Variants in VEGFC observed in about 807,000 individuals in gnomAD.
The protein encoded by VEGFC is vascular endothelial growth factor C.
Under a neutral mutation model 46.1 loss-of-function variants are expected in VEGFC, and 12 were observed. The observed-to-expected ratio is 0.26, with a 90% CI of 0.17 to 0.42. VEGFC has a LOEUF of 0.42. Among genes scored for constraint, VEGFC ranks in the 10% least tolerant of loss-of-function variants. The pLI is 1.00. For synonymous variants in VEGFC, 232 were observed against 195.5 expected, an observed-to-expected ratio of 1.19 and a Z score of -1.56; for missense variants, 488 against 529.4, an observed-to-expected ratio of 0.92 and a Z score of 0.77.
rs138549427 is a variant in VEGFC, at chr4:176,761,634, C to T, written c.147+30531G>A. 1.9e-3 allele frequency among the ~76,000 whole-genome samples: 295 copies of T among 152,262 alleles called. 2 individuals are homozygous for T. The highest frequency in any genetic ancestry group is 6.8e-3 in the African/African-American group (284 of 41,544). ...ATACTGCATTAAGGACAACAGTGAACGAATGTGTGTGGGCCCACGTGTATG... is the reference window on the plus strand; with the variant it reads ...ATACTGCATTAAGGACAACAGTGAATGAATGTGTGTGGGCCCACGTGTATG... On this transcript the variant is annotated intron_variant, in intron 1 of 6. Transcript: ENST00000618562.
chr4:176,762,784 C>T (rs1196809809), intron 1 of VEGFC, among the ~76,000 whole-genome samples: 1 of 152,164 alleles, frequency 6.6e-6, no homozygotes, highest in Admixed American at 6.5e-5. Context: ...GTATTCAACA[C>T]TAAGTCATAT....
chr4:176,699,810 A>T (rs1203365355), intron 4 of VEGFC, among the ~76,000 whole-genome samples: 1 of 152,218 alleles, frequency 6.6e-6, no homozygotes, highest in Non-Finnish European at 1.5e-5. Flanking sequence ...TCAGAAATAC[A>T]TATATTTTAG....
At position 176,729,619 on chromosome 4, in the gene VEGFC, T is replaced by A. The variant is rs949316694; in HGVS notation, c.275A>T (p.His92Leu). ...GTTGAGGTTGGCCTGTTCTCTGTTATGTTGCCAGCCTCCTTTCCTTAGCTG... is the reference window on the plus strand; with the variant it reads ...GTTGAGGTTGGCCTGTTCTCTGTTAAGTTGCCAGCCTCCTTTCCTTAGCTG... ...KCQLRKGGWQ[H>L]NREQANLNSR... Residue 92 changes from histidine (H) to leucine (L), a missense_variant, in exon 2 of 7, where the codon CAT becomes CTT. Transcript: ENST00000618562. The A allele has an allele frequency of 8.1e-6, 13 of 1,613,808 alleles. No individual in the cohort carries two copies. The highest frequency in any genetic ancestry group is 1.6e-4 in the Middle Eastern group (1 of 6,078).
intron 1 of VEGFC, among the ~76,000 whole-genome samples, chr4:176,767,123 T>TAAAAAAAAAAAAAAA (rs70964805): frequency 5.9e-5 from 3 of 50,474 alleles, no homozygotes; most frequent in East Asian, 7.8e-4. Flanking sequence ...TGTAGAAATC[T>TAAAAAAAAAAAAAAA]AAAAAAAAAA....
At chr4:176,690,387 G>A (rs1419284947) in intron 4 of VEGFC, among the ~76,000 whole-genome samples, 1 of 149,260 alleles carries the variant, frequency 6.7e-6, no homozygotes, top group Non-Finnish European at 1.5e-5. Flanking sequence ...CCAAAAAATT[G>A]CATATATGTT....
chr4:176,701,355 T>C (rs963008788), intron 4 of VEGFC, among the ~76,000 whole-genome samples: 1 of 152,212 alleles, frequency 6.6e-6, no homozygotes, highest in African/African-American at 2.4e-5. Flanking sequence ...CTTTAAACTT[T>C]AGGACAATCT....
intron 1 of VEGFC, among the ~76,000 whole-genome samples, chr4:176,777,737 T>C (rs377546730): frequency 5.9e-5 from 9 of 151,632 alleles, no homozygotes; most frequent in South Asian, 4.2e-4. Flanking sequence ...CTGGTTAACA[T>C]TGAAACCCTG....
rs182570806 is a variant in VEGFC, at chr4:176,729,816, C to T, written c.148-70G>A. 107 of 1,313,046 alleles carry T rather than the reference C, an allele frequency of 8.1e-5. No homozygotes were observed. In the African/African-American group the frequency reaches 8.8e-4, roughly 11 times the overall value. The allele number at this position is 1,313,046 out of a possible 1,614,324, so 81.3% of individuals were successfully genotyped here. A position where few individuals can be genotyped will look rare whatever the true frequency, so the allele number is the denominator to read the frequency against. On this transcript the variant is annotated intron_variant, in intron 1 of 6. Coordinates refer to ENST00000618562, the MANE Select transcript of VEGFC (RefSeq NM_005429.5). The stretch of plus-strand genomic sequence containing the variant: ...ATTTAGAAACAAATGCACTATAAAA[C>T]GGTTAGGTTTAATAGTATCTATGCT...
chr4:176,692,415 C>CA (rs754971358), intron 4 of VEGFC, among the ~76,000 whole-genome samples: 1,254 of 122,998 alleles, frequency 0.01, 138 homozygotes, highest in Non-Finnish European at 0.011. Flanking sequence ...AACAAACAAA[C>CA]AAAAAAAAAA....
chr4:176,758,721 T>G (rs1735476990), intron 1 of VEGFC, among the ~76,000 whole-genome samples: 1 of 152,138 alleles, frequency 6.6e-6, no homozygotes, highest in South Asian at 2.1e-4. Flanking sequence ...AGTCTGATAC[T>G]TTTCCATGAT....
At chr4:176,742,711 T>C (rs1333275884) in intron 1 of VEGFC, among the ~76,000 whole-genome samples, 1 of 152,052 alleles carries the variant, frequency 6.6e-6, no homozygotes, top group African/African-American at 2.4e-5. Flanking sequence ...CAAAATGGCA[T>C]ATCACCATCT....
intron 2 of VEGFC, among the ~76,000 whole-genome samples, chr4:176,729,020 T>C (rs1213813778): frequency 1.3e-5 from 2 of 152,290 alleles, no homozygotes; most frequent in South Asian, 2.1e-4. Context: ...CAATTGATGC[T>C]ATGACATTTT....
intron 6 of VEGFC, among the ~76,000 whole-genome samples, chr4:176,686,255 A>C (rs945138731): frequency 6.6e-6 from 1 of 152,180 alleles, no homozygotes; most frequent in Non-Finnish European, 1.5e-5. Flanking sequence ...ATGAAACGTT[A>C]AACAGAGGTT....
At chr4:176,689,394 A>T (rs762323852) in intron 4 of VEGFC, 4 of 152,198 alleles carry the variant, frequency 2.6e-5, no homozygotes, top group African/African-American at 4.8e-5. Flanking sequence ...GCAAATCTGC[A>T]TTTTGCAACC....
chr4:176,717,422 A>G (rs536509878), intron 3 of VEGFC, among the ~76,000 whole-genome samples: 39 of 152,276 alleles, frequency 2.6e-4, no homozygotes, highest in Non-Finnish European at 7.4e-5. Flanking sequence ...TCTCACCAAC[A>G]AGAATGGACT....
At chr4:176,684,292 GT>G (rs1242010052) in intron 6 of VEGFC, among the ~76,000 whole-genome samples, 2 of 152,222 alleles carry the variant, frequency 1.3e-5, no homozygotes, top group Non-Finnish European at 2.9e-5. Flanking sequence ...GTAAGCATTA[GT>G]TCCTTTGAAG....
chr4:176,721,359 C>T (rs1375514202), intron 3 of VEGFC, among the ~76,000 whole-genome samples: 2 of 152,174 alleles, frequency 1.3e-5, no homozygotes, highest in Admixed American at 6.5e-5. Flanking sequence ...TAGTTGAATG[C>T]TGGCTCCATC....
chr4:176,712,069 C>T (rs1349684571), intron 3 of VEGFC, among the ~76,000 whole-genome samples: 1 of 152,034 alleles, frequency 6.6e-6, no homozygotes, highest in South Asian at 2.1e-4. Flanking sequence ...AGCTATTGGC[C>T]ACACAACCCA....
At chr4:176,713,897 G>C (rs1353242710) in intron 3 of VEGFC, among the ~76,000 whole-genome samples, 1 of 152,132 alleles carries the variant, frequency 6.6e-6, no homozygotes, top group Non-Finnish European at 1.5e-5. Flanking sequence ...CATGTCTTCG[G>C]GAAGTCAAAT....
Sources: allele counts gnomAD v4.1 joint callset (sites outside exome capture counted in the v4.1 genomes callset), GRCh38; gene constraint gnomAD v4.1.1; transcripts MANE v1.5; gene names NCBI Gene and HGNC (gene_info 2026-07-23, HGNC 2026-07-21).